The following MTG1 variants were observed in gnomAD, a reference collection of about 807,000 sequenced individuals.
MTG1 encodes mitochondrial ribosome associated GTPase 1.
In MTG1, 30 loss-of-function variants were observed where a neutral mutation model predicts 39.5. The observed-to-expected ratio is 0.76, with a 90% CI of 0.57 to 1.03. The LOEUF (loss-of-function observed/expected upper bound fraction) is 1.03, where lower values mean the gene tolerates loss of function less well. Among genes scored for constraint, MTG1 ranks in the 50% least tolerant of loss-of-function variants. The probability of loss-of-function intolerance (pLI) is 0.00; values close to 1 mark genes in which losing one functional copy is unlikely to be tolerated. For missense variants in MTG1, 513 were observed against 447.4 expected (o/e 1.15, Z -1.32); for synonymous variants, 217 against 179.0 (o/e 1.21, Z -1.69).
rs755506599 is a variant in MTG1, at chr10:133,402,824, AT to A, written c.752+54del. ...TGGGGCCCCTCCTCCTAGTCACCTC[AT>A]TTAAAAAAAAAAAACAAACAAAAAA... On this transcript the variant is annotated intron_variant, in intron 9 of 10. Coordinates refer to ENST00000317502, the MANE Select transcript of MTG1 (RefSeq NM_138384.4). The surrounding 1 kb of genome is among the most constrained non-coding windows in gnomAD (Gnocchi z 4.7). 10 of 1,308,114 alleles carry A rather than the reference AT, an allele frequency of 7.6e-6. No individual in the cohort carries two copies. The highest frequency in any genetic ancestry group is 6.6e-5 in the African/African-American group (4 of 60,928). 81.0% of individuals were successfully genotyped at this position (1,308,114 alleles called of 1,614,324 possible). A position where few individuals can be genotyped will look rare whatever the true frequency, so the allele number is the denominator to read the frequency against.
intron 1 of MTG1, 134 bp from the exon 2 acceptor site, chr10:133,395,579 A>T: frequency 2.4e-6 from 2 of 818,130 alleles, no homozygotes; most frequent in Admixed American, 2.1e-5. Flanking sequence ...TGTTACCATT[A>T]CTTAGTACGC....
At chr10:133,413,984 A>G (rs1187395184) in intron 9 of MTG1, among the ~76,000 whole-genome samples, 1 of 147,444 alleles carries the variant, frequency 6.8e-6, no homozygotes, top group South Asian at 2.1e-4. Context: ...GCAGGGTCAC[A>G]GGACAATAGT....
Position 133,402,419 on chromosome 10 carries a change from A to G in MTG1, c.670+174A>G. The G allele has an allele frequency of 1.3e-6, 1 of 758,642 alleles. No individual in the cohort carries two copies. The highest frequency in any genetic ancestry group is 2.2e-6 in the Non-Finnish European group (1 of 459,042). 47.0% of individuals were successfully genotyped at this position (758,642 alleles called of 1,614,324 possible). Reference sequence around the variant, plus strand: ...AGAGCTGTAATAGTGCACAGCTGACAGGCACTGGTCACCATTCCACCCTGC... The same window carrying G: ...AGAGCTGTAATAGTGCACAGCTGACGGGCACTGGTCACCATTCCACCCTGC... On this transcript the variant is annotated intron_variant, in intron 8 of 10. Transcript: ENST00000317502. This position sits in a 1 kb window ranked among gnomAD's most constrained non-coding sequence, Gnocchi z 4.7.
chr10:133,402,500 G>A lies in MTG1; in HGVS notation c.671-192G>A, dbSNP rs41283341. 0.073 allele frequency: 50,322 copies of A among 691,520 alleles called. 2,075 individuals carry two copies. Among genetic ancestry groups the A allele is most frequent in the African/African-American group, 0.11 (6,172 of 55,856 alleles). The allele number at this position is 691,520 out of a possible 1,614,324, so 42.8% of individuals were successfully genotyped here. ...ACGGACCAGGGCAGAGAGGTTGGTC[G>A]CAGGTGCCAGGCAGGAGTGGGGGCC... On this transcript the variant is annotated intron_variant, in intron 8 of 10. Transcript: ENST00000317502. This position sits in a 1 kb window ranked among gnomAD's most constrained non-coding sequence, Gnocchi z 4.7.
chr10:133,394,357 G>A (rs1849747217), intron 1 of MTG1, 25 bp downstream of exon 1: 2 of 1,458,140 alleles, frequency 1.4e-6, no homozygotes, highest in Non-Finnish European at 1.8e-6. Flanking sequence ...GGAGGGGCAA[G>A]GTCATGCCTA....
rs904202039 is a variant in MTG1, at chr10:133,402,055, C to T, written c.574-94C>T. ...TGGGTCCCTGAGGCCTTCCTCGGAG[C>T]ATTGGGTGCCAGGGGCTGCCCAGGC... On this transcript the variant is annotated intron_variant, in intron 7 of 10. Transcript: ENST00000317502. This position sits in a 1 kb window ranked among gnomAD's most constrained non-coding sequence, Gnocchi z 4.7. The T allele has an allele frequency of 1.3e-5, 20 of 1,484,284 alleles. No individual in the cohort carries two copies. The highest frequency in any genetic ancestry group is 1.9e-5 in the Non-Finnish European group (20 of 1,070,706). 91.9% of individuals were successfully genotyped at this position (1,484,284 alleles called of 1,614,324 possible).
intron 1 of MTG1, chr10:133,394,801 T>G: frequency 1.1e-6 from 1 of 947,702 alleles, no homozygotes; most frequent in Non-Finnish European, 1.3e-6. Flanking sequence ...TGGTAATTCT[T>G]ACTGTTTGTC....
chr10:133,414,633 A>G (rs1850095356), intron 9 of MTG1, among the ~76,000 whole-genome samples: 1 of 144,926 alleles, frequency 6.9e-6, no homozygotes, highest in South Asian at 2.2e-4. Flanking sequence ...GGCGCTCATC[A>G]CTTCCCAGAC....
At chr10:133,394,435 G>T in intron 1 of MTG1, 103 bp downstream of exon 1, 1 of 1,323,862 alleles carries the variant, frequency 7.6e-7, no homozygotes, top group South Asian at 1.7e-5. Flanking sequence ...CGGTCGTTCT[G>T]GGCTGGCCCC....
intron 9 of MTG1, among the ~76,000 whole-genome samples, chr10:133,412,162 T>C (rs10857712): frequency 0.25 from 37,322 of 152,008 alleles, 4,772 homozygotes; most frequent in East Asian, 0.33. Context: ...ATTTGAGTTC[T>C]GGAATATTGC....
rs551870615 is a variant in MTG1 at position 133,402,448 on chromosome 10, A to G, written c.670+203A>G. On this transcript the variant is annotated intron_variant, in intron 8 of 10. Coordinates refer to ENST00000317502, the MANE Select transcript of MTG1 (RefSeq NM_138384.4). This position sits in a 1 kb window ranked among gnomAD's most constrained non-coding sequence, Gnocchi z 4.7. ...ACTGGTCACCATTCCACCCTGCCCCATGAGTGGCCTTCCCTTTCCCCATTT... is the reference window on the plus strand; with the variant it reads ...ACTGGTCACCATTCCACCCTGCCCCGTGAGTGGCCTTCCCTTTCCCCATTT... The G allele has an allele frequency of 4.3e-6, 3 of 702,110 alleles. No homozygotes were observed. The highest frequency in any genetic ancestry group is 3.5e-5 in the South Asian group (2 of 56,608). 43.5% of individuals were successfully genotyped at this position (702,110 alleles called of 1,614,324 possible).
At position 133,413,624 on chromosome 10, in the gene MTG1, G is replaced by A. The variant is rs145558107; in HGVS notation, c.753-5856G>A. On this transcript the variant is annotated intron_variant, in intron 9 of 10. Transcript: ENST00000317502. ...TTGAATATTTTTAAACGATTCTACT[G>A]TATCTTCTTTGTTAGCTTATTGTCT... 1.5e-3 allele frequency among the ~76,000 whole-genome samples: 233 copies of A among 152,226 alleles called. 1 individual carries two copies. Among genetic ancestry groups the A allele is most frequent in the African/African-American group, 5.3e-3 (220 of 41,546 alleles).
intron 9 of MTG1, among the ~76,000 whole-genome samples, chr10:133,415,058 C>T (rs888586119): frequency 1.1e-4 from 16 of 152,354 alleles, no homozygotes; most frequent in East Asian, 3.9e-4. Flanking sequence ...TGGAGGCACT[C>T]GGCAGGCTGA....
intron 9 of MTG1, among the ~76,000 whole-genome samples, chr10:133,416,701 A>G (rs1337908978): frequency 1.4e-3 from 206 of 145,356 alleles, no homozygotes; most frequent in Non-Finnish European, 2.4e-3. Flanking sequence ...ATGATTTCCA[A>G]TTTCATCCAT....
intron 1 of MTG1, chr10:133,394,679 C>G (rs1564817299): frequency 8.8e-7 from 1 of 1,132,040 alleles, no homozygotes; most frequent in African/African-American, 1.6e-5. Flanking sequence ...TCCACATGTT[C>G]TTGACAAGAT....
intron 9 of MTG1, among the ~76,000 whole-genome samples, chr10:133,405,841 G>T (rs1450890148): frequency 1.3e-5 from 2 of 152,142 alleles, no homozygotes; most frequent in Non-Finnish European, 2.9e-5. Flanking sequence ...ATTCTTTTGG[G>T]TCTATACCCA....
chr10:133,404,826 T>G (rs757184327), intron 9 of MTG1, among the ~76,000 whole-genome samples: 1 of 152,234 alleles, frequency 6.6e-6, no homozygotes, highest in Non-Finnish European at 1.5e-5. Flanking sequence ...TGTCTTTGCA[T>G]CTTTGTCGCA....
chr10:133,414,613 G>C (rs1240312516), intron 9 of MTG1, among the ~76,000 whole-genome samples: 8 of 152,000 alleles, frequency 5.3e-5, no homozygotes, highest in African/African-American at 1.9e-4. Flanking sequence ...TGGGATGGCG[G>C]CCGGGAAGAG....
intron 9 of MTG1, among the ~76,000 whole-genome samples, chr10:133,405,361 A>C (rs1032317689): frequency 3.3e-5 from 5 of 152,202 alleles, no homozygotes; most frequent in Non-Finnish European, 7.3e-5. Context: ...GGTAATTGGG[A>C]TATCCATCAT....
Sources: allele counts gnomAD v4.1 joint callset (sites outside exome capture counted in the v4.1 genomes callset), GRCh38; gene constraint gnomAD v4.1.1; non-coding constraint Gnocchi (gnomAD v3.1); transcripts MANE v1.5; gene names NCBI Gene and HGNC (gene_info 2026-07-23, HGNC 2026-07-21).